The following WWOX variants were observed in gnomAD, a reference collection of about 807,000 sequenced individuals.
The protein encoded by WWOX is WW domain-containing oxidoreductase.
A neutral mutation model predicts 46.2 loss-of-function variants in WWOX; 69 were observed. That is an observed-to-expected ratio of 1.49 (90% CI 1.23 to 1.82). WWOX has a LOEUF of 1.82. WWOX is among the 40% of genes most tolerant of loss of function. The pLI, the probability that WWOX is intolerant of heterozygous loss-of-function variation, is 0.00. For synonymous variants in WWOX, 359 were observed against 202.6 expected, an observed-to-expected ratio of 1.77 and a Z score of -6.56; for missense variants, 919 against 542.6, an observed-to-expected ratio of 1.69 and a Z score of -6.89.
chr16:78,191,616 A>G (rs899441016), intron 5 of WWOX, among the ~76,000 whole-genome samples: 1 of 152,000 alleles, frequency 6.6e-6, no homozygotes, highest in Admixed American at 6.6e-5. Context: ...CCTATACATG[A>G]TTGCTGTTTT....
rs182705714 is a variant in WWOX at position 78,455,205 on chromosome 16, G to A, written c.1056+22453G>A. 5.3e-5 allele frequency among the ~76,000 whole-genome samples: 8 copies of A among 152,246 alleles called. No homozygotes were observed. In the East Asian group the frequency reaches 5.8e-4, roughly 11 times the overall value. ...TTTACTGAGACTTGAATGATGTGTC[G>A]GAGGCAAACATGTTGACACAAACGA... On this transcript the variant is annotated intron_variant, in intron 8 of 8. Transcript: ENST00000566780.
At position 79,004,847 on chromosome 16, in the gene WWOX, G is replaced by A. The variant is rs562266970; in HGVS notation, c.1057-206761G>A. The A allele has an allele frequency of 1.1e-4, 17 of 152,254 alleles. No homozygotes were observed. The South Asian group carries it at 2.3e-3, about 20-fold the overall frequency. 9.4% of individuals were successfully genotyped at this position (152,254 alleles called of 1,614,324 possible). A position where few individuals can be genotyped will look rare whatever the true frequency, so the allele number is the denominator to read the frequency against. On this transcript the variant is annotated intron_variant, in intron 8 of 8. Coordinates refer to ENST00000566780, the MANE Select transcript of WWOX (RefSeq NM_016373.4). Reference sequence around the variant, plus strand: ...CTTGGGTTTTCCCTCAGCTTGCTGGGGCCGTGCACCTATGTGAGATTTTAT... The same window carrying A: ...CTTGGGTTTTCCCTCAGCTTGCTGGAGCCGTGCACCTATGTGAGATTTTAT...
intron 4 of WWOX, among the ~76,000 whole-genome samples, chr16:78,116,339 A>G (rs571033282): frequency 3.3e-4 from 50 of 152,296 alleles, no homozygotes; most frequent in Non-Finnish European, 5.6e-4. Flanking sequence ...TTCTAGCATG[A>G]TTAGGGAGGC....
At chr16:78,667,466 C>G (rs555471741) in intron 8 of WWOX, among the ~76,000 whole-genome samples, 1 of 151,828 alleles carries the variant, frequency 6.6e-6, no homozygotes, top group East Asian at 2.0e-4. Flanking sequence ...GTCAGGAGTT[C>G]AAGACCATCC....
intron 8 of WWOX, among the ~76,000 whole-genome samples, chr16:79,181,432 G>C (rs768346122): frequency 2.2e-4 from 34 of 152,044 alleles, no homozygotes; most frequent in Non-Finnish European, 2.1e-4. Flanking sequence ...TATACTGCTG[G>C]TTTTAATTTT....
chr16:78,103,529 T>C (rs1201138247), intron 1 of WWOX, among the ~76,000 whole-genome samples: 1 of 152,106 alleles, frequency 6.6e-6, no homozygotes, highest in Non-Finnish European at 1.5e-5. Flanking sequence ...CTGAAATTCT[T>C]TGGGTGTTAG....
chr16:78,973,795 G>A (rs973148438), intron 8 of WWOX, among the ~76,000 whole-genome samples: 21 of 152,314 alleles, frequency 1.4e-4, no homozygotes, highest in African/African-American at 4.8e-4. Flanking sequence ...GCTGATATGC[G>A]GGCAGGGGTT....
At chr16:78,473,228 C>G (rs141379252) in intron 8 of WWOX, among the ~76,000 whole-genome samples, 1 of 152,140 alleles carries the variant, frequency 6.6e-6, no homozygotes, top group African/African-American at 2.4e-5. Context: ...CTCCCACGTT[C>G]AAGCGATTGT....
At chr16:78,739,489 T>C (rs2049165289) in intron 8 of WWOX, among the ~76,000 whole-genome samples, 1 of 151,986 alleles carries the variant, frequency 6.6e-6, no homozygotes, top group Non-Finnish European at 1.5e-5. Context: ...TGACAACAGG[T>C]CGGTAAGAAG....
At chr16:79,000,926 C>T (rs1320229951) in intron 8 of WWOX, among the ~76,000 whole-genome samples, 3 of 152,094 alleles carry the variant, frequency 2.0e-5, no homozygotes, top group Admixed American at 6.5e-5. Context: ...CTCATCTGCC[C>T]CACTGGACGT....
intron 6 of WWOX, among the ~76,000 whole-genome samples, chr16:78,405,110 T>A (rs2082496360): frequency 6.6e-6 from 1 of 152,272 alleles, no homozygotes; most frequent in Non-Finnish European, 1.5e-5. Context: ...ATCAAGGTAA[T>A]GGACATGAGG....
intron 8 of WWOX, among the ~76,000 whole-genome samples, chr16:78,645,810 T>C (rs1440579427): frequency 6.6e-6 from 1 of 152,116 alleles, no homozygotes; most frequent in Non-Finnish European, 1.5e-5. Context: ...CAGGGTCTCC[T>C]TGGGCCAAAA....
chr16:78,595,929 C>A (rs1048440419), intron 8 of WWOX, among the ~76,000 whole-genome samples: 1 of 152,068 alleles, frequency 6.6e-6, no homozygotes, highest in Non-Finnish European at 1.5e-5. Context: ...TACAATAAAA[C>A]TAAAAAGAAA....
chr16:79,205,893 G>C (rs1597477188), intron 8 of WWOX: 1 of 152,306 alleles, frequency 6.6e-6, no homozygotes, highest in Non-Finnish European at 1.5e-5. Context: ...GAACTGATAA[G>C]ATGGGGGTTG....
Position 78,978,739 on chromosome 16 carries a change from C to G in WWOX, c.1057-232869C>G, listed in dbSNP as rs527875748. On this transcript the variant is annotated intron_variant, in intron 8 of 8. Coordinates refer to ENST00000566780, the MANE Select transcript of WWOX (RefSeq NM_016373.4). ...GAGGCGCTACACACTTTTCAACCAC[C>G]GAATCGCATGAGAACTCTCTCACTG... Among the ~76,000 whole-genome samples the G allele has an allele frequency of 2.6e-5, 4 of 152,218 alleles. No individual in the cohort carries two copies. The South Asian group carries it at 8.3e-4, about 32-fold the overall frequency.
intron 8 of WWOX, among the ~76,000 whole-genome samples, chr16:79,137,215 C>T (rs79342572): frequency 0.017 from 2,545 of 152,266 alleles, 77 homozygotes; most frequent in African/African-American, 0.059. Context: ...GCATGCCATA[C>T]CCATGCTCTC....
intron 5 of WWOX, among the ~76,000 whole-genome samples, chr16:78,321,696 G>A (rs1002411533): frequency 2.6e-5 from 4 of 152,156 alleles, no homozygotes; most frequent in African/African-American, 4.8e-5. Context: ...TGGAAGCCGC[G>A]TGGTAGTTAA....
At position 79,141,258 on chromosome 16, in the gene WWOX, C is replaced by T. The variant is rs113434654; in HGVS notation, c.1057-70350C>T. Among the ~76,000 whole-genome samples, 963 of 152,272 alleles carry T rather than the reference C, an allele frequency of 6.3e-3. 9 individuals carry two copies. The highest frequency in any genetic ancestry group is 0.022 in the African/African-American group (907 of 41,558). On this transcript the variant is annotated intron_variant, in intron 8 of 8. Coordinates refer to ENST00000566780, the MANE Select transcript of WWOX (RefSeq NM_016373.4). ...CATTTCAAGTCTTCCTACCTTTGCT[C>T]TGAGTTGTCCCACCTTTCCAGACCG... is the stretch of plus-strand genomic sequence containing the variant.
intron 8 of WWOX, among the ~76,000 whole-genome samples, chr16:78,458,931 C>T (rs950197435): frequency 6.6e-6 from 1 of 152,138 alleles, no homozygotes; most frequent in East Asian, 1.9e-4. Context: ...AATATTCATT[C>T]TCTGTGTCAC....
Sources: gnomAD v4.1 joint callset for allele counts (sites outside exome capture counted in the v4.1 genomes callset) on GRCh38, gnomAD v4.1.1 for gene constraint, MANE v1.5 for transcripts, NCBI Gene and HGNC (gene_info 2026-07-23, HGNC 2026-07-21) for gene names.